PIP4K2A: variants seen among roughly 807,000 people sequenced by gnomAD.
The protein encoded by PIP4K2A is phosphatidylinositol 5-phosphate 4-kinase type-2 alpha.
PIP4K2A carries 14 observed loss-of-function variants against 42.9 expected under a neutral mutation model. The ratio of observed to expected loss-of-function variants is 0.33; its 90% CI spans 0.22 to 0.51. PIP4K2A has a LOEUF of 0.51. PIP4K2A is among the 20% of genes least tolerant of loss of function. The probability of loss-of-function intolerance (pLI) is 0.97; values close to 1 mark genes in which losing one functional copy is unlikely to be tolerated. For missense variants in PIP4K2A, 434 were observed against 519.8 expected, an observed-to-expected ratio of 0.83 and a Z score of 1.61; for synonymous variants, 192 against 192.2, an observed-to-expected ratio of 1.00 and a Z score of 0.01.
chr10:22,663,311 A>C (rs1254328581), intron 1 of PIP4K2A, among the ~76,000 whole-genome samples: 1 of 152,224 alleles, frequency 6.6e-6, no homozygotes, highest in East Asian at 1.9e-4. Context: ...AATGTATGCC[A>C]AGAACTGGCA....
chr10:22,639,399 G>T, intron 1 of PIP4K2A, among the ~76,000 whole-genome samples: 1 of 147,042 alleles, frequency 6.8e-6, no homozygotes. Flanking sequence ...TTAACTTAGA[G>T]ACACAAAACA....
At chr10:22,546,683 T>C (rs1353885731) in intron 7 of PIP4K2A, among the ~76,000 whole-genome samples, 1 of 152,154 alleles carries the variant, frequency 6.6e-6, no homozygotes, top group African/African-American at 2.4e-5. Context: ...AGTGCTGGGA[T>C]TACAGGCATG....
intron 6 of PIP4K2A, among the ~76,000 whole-genome samples, chr10:22,564,051 A>T (rs1219281111): frequency 1.3e-5 from 2 of 152,242 alleles, no homozygotes; most frequent in African/African-American, 4.8e-5. Context: ...TTTCATAGGA[A>T]GCTATACCAA....
In PIP4K2A at chr10:22,550,732, T is replaced by C. The variant is rs768083736; in HGVS notation, c.719A>G (p.Asn240Ser). 1.9e-6 allele frequency: 3 copies of C among 1,607,934 alleles called. No homozygotes were observed. The highest frequency in any genetic ancestry group is 2.6e-6 in the Non-Finnish European group (3 of 1,174,412). The change falls in exon 7 of 10, where the codon AAT becomes AGT. Residue 240 changes from asparagine (N) to serine (S), a missense_variant. Around this residue, in one of 2 missense-constraint regions of PIP4K2A, gnomAD observed 395 missense variants for 444.5 expected, o/e 0.89. Transcript: ENST00000376573. The part of the protein sequence containing the change: ...LPTLKDNDFI[N>S]EGQKIYIDDN... ...ATCAATATAAATCTTTTGGCCCTCA[T>C]TAATGAAATCATTATCTTTCAGAGT...
intron 3 of PIP4K2A, among the ~76,000 whole-genome samples, chr10:22,601,931 C>T (rs778180136): frequency 6.6e-6 from 1 of 152,182 alleles, no homozygotes; most frequent in Non-Finnish European, 1.5e-5. Context: ...TTGTCCTTTG[C>T]CACTGGCCAC....
intron 8 of PIP4K2A, among the ~76,000 whole-genome samples, chr10:22,541,064 A>G (rs140244966): frequency 6.6e-6 from 1 of 152,378 alleles, no homozygotes; most frequent in Non-Finnish European, 1.5e-5. Context: ...TTTTTATCCT[A>G]TCACAAAAAT....
intron 1 of PIP4K2A, among the ~76,000 whole-genome samples, chr10:22,696,588 G>C (rs1356488493): frequency 6.6e-6 from 1 of 151,894 alleles, no homozygotes; most frequent in Non-Finnish European, 1.5e-5. Context: ...AGAAAAAAAG[G>C]GTAGTTTCTT....
chr10:22,608,130 CT>C (rs1384690270), intron 2 of PIP4K2A, 107 bp from the exon 3 acceptor site: 31 of 661,612 alleles, frequency 4.7e-5, no homozygotes, highest in Non-Finnish European at 6.6e-5. Flanking sequence ...AGTTCACTGC[CT>C]ACCAAAAGCA....
chr10:22,541,140 A>G (rs1289653040), intron 8 of PIP4K2A, among the ~76,000 whole-genome samples: 2 of 152,246 alleles, frequency 1.3e-5, no homozygotes, highest in African/African-American at 4.8e-5. Context: ...GGTGCACCCA[A>G]TCACCTGGAT....
chr10:22,565,099 GTGA>G (rs1449475987), intron 6 of PIP4K2A, among the ~76,000 whole-genome samples: 2 of 152,118 alleles, frequency 1.3e-5, no homozygotes, highest in Non-Finnish European at 2.9e-5. Flanking sequence ...CCTGTAAAAG[GTGA>G]TGTTCTGCTG....
intron 1 of PIP4K2A, among the ~76,000 whole-genome samples, chr10:22,709,870 A>G (rs967616428): frequency 6.6e-6 from 1 of 152,136 alleles, no homozygotes; most frequent in Non-Finnish European, 1.5e-5. Flanking sequence ...ACAAAAAAAT[A>G]GTTTGAGGAG....
intron 1 of PIP4K2A, among the ~76,000 whole-genome samples, chr10:22,621,158 T>TC (rs1250564082): frequency 6.6e-6 from 1 of 152,190 alleles, no homozygotes; most frequent in Non-Finnish European, 1.5e-5. Flanking sequence ...GCAGATGACA[T>TC]CATTTGAATC....
At chr10:22,638,500 T>C (rs1454016814) in intron 1 of PIP4K2A, among the ~76,000 whole-genome samples, 2 of 152,216 alleles carry the variant, frequency 1.3e-5, no homozygotes, top group African/African-American at 2.4e-5. Flanking sequence ...TCAAACTAAA[T>C]ACGTAACCAA....
At chr10:22,670,994 G>A (rs1264987297) in intron 1 of PIP4K2A, among the ~76,000 whole-genome samples, 4 of 152,042 alleles carry the variant, frequency 2.6e-5, no homozygotes, top group East Asian at 1.9e-4. Context: ...TCATCCCATC[G>A]GGCATCCAGT....
intron 6 of PIP4K2A, among the ~76,000 whole-genome samples, chr10:22,557,567 T>C (rs755692937): frequency 6.6e-6 from 1 of 152,232 alleles, no homozygotes. Flanking sequence ...TTGAGCAATA[T>C]TGGATATTCT....
Position 22,567,892 on chromosome 10 carries a change from G to A in PIP4K2A, c.640-3C>T. 1 of 1,613,518 alleles carries A rather than the reference G, an allele frequency of 6.2e-7. No individual in the cohort carries two copies. On this transcript the variant is annotated splice_region_variant and splice_polypyrimidine_tract_variant and intron_variant, in intron 5 of 9. Transcript: ENST00000376573. The stretch of plus-strand genomic sequence containing the variant: ...GCTTCTCTAGCCACTGTAGAGCCCT[G>A]AAACACAAGGCAATAATAAAAACAT...
intron 1 of PIP4K2A, among the ~76,000 whole-genome samples, chr10:22,657,881 C>A (rs758555939): frequency 5.9e-5 from 9 of 151,962 alleles, no homozygotes; most frequent in Non-Finnish European, 1.3e-4. Flanking sequence ...CGCTAAATTT[C>A]AAATCTAGTA....
At chr10:22,696,671 A>G (rs1839979310) in intron 1 of PIP4K2A, among the ~76,000 whole-genome samples, 2 of 152,218 alleles carry the variant, frequency 1.3e-5, no homozygotes, top group Admixed American at 6.5e-5. Context: ...AATTACATAT[A>G]GTTTATTCAT....
At chr10:22,610,433 TTGCA>T in intron 1 of PIP4K2A, among the ~76,000 whole-genome samples, 1 of 152,364 alleles carries the variant, frequency 6.6e-6, no homozygotes, top group Middle Eastern at 3.4e-3. Flanking sequence ...TTAACTATTT[TTGCA>T]TGTTGACTTT....
Sources: gnomAD v4.1 joint callset for allele counts (sites outside exome capture counted in the v4.1 genomes callset) on GRCh38, gnomAD v4.1.1 for gene constraint, gnomAD v4.1.1 regional missense constraint, MANE v1.5 for transcripts, NCBI Gene and HGNC (gene_info 2026-07-23, HGNC 2026-07-21) for gene names.